The following KCNK10 variants were observed in gnomAD, a reference collection of about 807,000 sequenced individuals.
KCNK10 encodes potassium channel subfamily K member 10.
A neutral mutation model predicts 47.7 loss-of-function variants in KCNK10; 25 were observed. The observed-to-expected ratio is 0.52, with a 90% CI of 0.38 to 0.73. KCNK10 has a LOEUF of 0.73. Among genes scored for constraint, KCNK10 ranks in the 30% least tolerant of loss-of-function variants. The pLI is 0.00. For missense variants in KCNK10, 563 were observed against 714.5 expected (o/e 0.79, Z 2.42); for synonymous variants, 303 against 285.6 (o/e 1.06, Z -0.61).
intron 1 of KCNK10, among the ~76,000 whole-genome samples, chr14:88,280,802 G>T (rs1180733711): frequency 6.6e-6 from 1 of 151,840 alleles, no homozygotes. Flanking sequence ...CAGGCTACCT[G>T]CTCCCTACTA....
At chr14:88,307,756 A>G (rs965499738) in intron 1 of KCNK10, among the ~76,000 whole-genome samples, 5 of 152,210 alleles carry the variant, frequency 3.3e-5, no homozygotes, top group African/African-American at 1.2e-4. Flanking sequence ...GACTCAGGCT[A>G]CTGTGAAGAA....
chr14:88,237,871 A>G (rs918877915), intron 3 of KCNK10, among the ~76,000 whole-genome samples: 1 of 152,226 alleles, frequency 6.6e-6, no homozygotes, highest in South Asian at 2.1e-4. Flanking sequence ...TTCAACATAA[A>G]GTCACCAGCT....
rs1249511031 is a variant in KCNK10, at chr14:88,323,202, C to T, written c.-404G>A. The T allele has an allele frequency of 2.9e-6, 3 of 1,041,088 alleles. No homozygotes were observed. Among genetic ancestry groups the T allele is most frequent in the East Asian group, 8.4e-5 (1 of 11,906 alleles). The allele number at this position is 1,041,088 out of a possible 1,614,324, so 64.5% of individuals were successfully genotyped here. A position where few individuals can be genotyped will look rare whatever the true frequency, so the allele number is the denominator to read the frequency against. ...AAGCCCACTGCAGTGTCACTCCAGC[C>T]CCCGAAGGCGTGTGCGCACACACTC... On this transcript the variant is annotated 5_prime_UTR_variant, in exon 1 of 7. Coordinates refer to ENST00000319231, the MANE Select transcript of KCNK10 (RefSeq NM_138317.3).
intron 4 of KCNK10, among the ~76,000 whole-genome samples, chr14:88,195,562 G>A (rs1884886508): frequency 6.6e-6 from 1 of 152,070 alleles, no homozygotes; most frequent in Admixed American, 6.6e-5. Context: ...TGGATATATT[G>A]TATACCTCAT....
At chr14:88,240,324 G>A (rs1456408780) in intron 3 of KCNK10, among the ~76,000 whole-genome samples, 2 of 152,168 alleles carry the variant, frequency 1.3e-5, no homozygotes, top group Admixed American at 6.5e-5. Flanking sequence ...AGGTGAGACG[G>A]TCAGAATGTT....
intron 4 of KCNK10, among the ~76,000 whole-genome samples, chr14:88,200,808 T>G (rs1885077107): frequency 6.6e-6 from 1 of 152,154 alleles, no homozygotes; most frequent in Non-Finnish European, 1.5e-5. Flanking sequence ...CTCACAGAGC[T>G]AGTAGGAGTT....
chr14:88,242,226 C>T (rs1010880773), intron 2 of KCNK10, among the ~76,000 whole-genome samples: 1 of 152,214 alleles, frequency 6.6e-6, no homozygotes, highest in Admixed American at 6.5e-5. Flanking sequence ...CTGGAAAAGT[C>T]AATCATCATT....
At chr14:88,266,578 A>AGTG (rs971446748) in intron 1 of KCNK10, among the ~76,000 whole-genome samples, 12 of 152,196 alleles carry the variant, frequency 7.9e-5, no homozygotes, top group Admixed American at 2.6e-4. Flanking sequence ...GTTGTTTTCC[A>AGTG]GTGGTGGTGG....
At chr14:88,209,943 T>C (rs1190929812) in intron 4 of KCNK10, among the ~76,000 whole-genome samples, 1 of 152,210 alleles carries the variant, frequency 6.6e-6, no homozygotes, top group East Asian at 1.9e-4. Flanking sequence ...CCCCTATGCT[T>C]TACTTGAGCA....
intron 4 of KCNK10, among the ~76,000 whole-genome samples, chr14:88,210,861 T>G: frequency 6.7e-6 from 1 of 148,862 alleles, no homozygotes; most frequent in African/African-American, 2.5e-5. Context: ...AAAGCAAGTG[T>G]TGGTGAGGAA....
At chr14:88,317,080 G>A (rs1888442995) in intron 1 of KCNK10, among the ~76,000 whole-genome samples, 3 of 152,154 alleles carry the variant, frequency 2.0e-5, no homozygotes, top group African/African-American at 7.2e-5. Context: ...GACACTGCTG[G>A]AAAAGAAGCC....
At chr14:88,193,763 G>A (rs544981717) in intron 4 of KCNK10, among the ~76,000 whole-genome samples, 104 of 152,184 alleles carry the variant, frequency 6.8e-4, no homozygotes, top group Non-Finnish European at 1.2e-3. Context: ...GCCGAGATTA[G>A]AATTCTGATG....
At chr14:88,253,862 C>A (rs1372646424) in intron 2 of KCNK10, among the ~76,000 whole-genome samples, 1 of 152,192 alleles carries the variant, frequency 6.6e-6, no homozygotes, top group Non-Finnish European at 1.5e-5. Context: ...CTCACCATTG[C>A]ACTCCAGTCT....
At chr14:88,263,153 TG>T (rs772613906) in intron 2 of KCNK10, 48 bp downstream of exon 2, 1 of 1,459,306 alleles carries the variant, frequency 6.9e-7, no homozygotes, top group Non-Finnish European at 9.4e-7. Context: ...AAACCAACAC[TG>T]CCATCCACCC....
At chr14:88,201,235 C>T (rs938552816) in intron 4 of KCNK10, among the ~76,000 whole-genome samples, 2 of 152,192 alleles carry the variant, frequency 1.3e-5, no homozygotes, top group South Asian at 4.1e-4. Flanking sequence ...CCAGGAAATG[C>T]CAGCTCCAAT....
At chr14:88,203,156 G>C (rs1269317868) in intron 4 of KCNK10, among the ~76,000 whole-genome samples, 1 of 152,198 alleles carries the variant, frequency 6.6e-6, no homozygotes, top group East Asian at 1.9e-4. Flanking sequence ...GCAGTCACAA[G>C]GATGGTTCTT....
At chr14:88,212,482 G>A (rs557926409) in intron 4 of KCNK10, among the ~76,000 whole-genome samples, 19 of 152,002 alleles carry the variant, frequency 1.2e-4, no homozygotes, top group East Asian at 3.9e-4. Flanking sequence ...CTATGAATTC[G>A]GGAGTCACCC....
chr14:88,260,263 T>C lies in KCNK10; in HGVS notation c.402+2939A>G, dbSNP rs764465858. Among the ~76,000 whole-genome samples the C allele has an allele frequency of 6.6e-6, 1 of 152,052 alleles. No homozygotes were observed. Among genetic ancestry groups the C allele is most frequent in the Non-Finnish European group, 1.5e-5 (1 of 68,016 alleles). On this transcript the variant is annotated intron_variant, in intron 2 of 6. Transcript: ENST00000319231. This position sits in a 1 kb window ranked among gnomAD's most constrained non-coding sequence, Gnocchi z 4.5. Reference sequence around the variant, plus strand: ...AGGCCAAGATATGGTTGTTTAAAAGTGTGTAGCATCCCTCCCTTTGCTCTC... The same window carrying C: ...AGGCCAAGATATGGTTGTTTAAAAGCGTGTAGCATCCCTCCCTTTGCTCTC...
chr14:88,294,382 G>T (rs1014179904), intron 1 of KCNK10, among the ~76,000 whole-genome samples: 1 of 152,270 alleles, frequency 6.6e-6, no homozygotes, highest in African/African-American at 2.4e-5. Flanking sequence ...GATGGAACTT[G>T]CCTAAGAATA....
Sources: allele counts gnomAD v4.1 joint callset (sites outside exome capture counted in the v4.1 genomes callset), GRCh38; gene constraint gnomAD v4.1.1; non-coding constraint Gnocchi (gnomAD v3.1); transcripts MANE v1.5; gene names NCBI Gene and HGNC (gene_info 2026-07-23, HGNC 2026-07-21).